Variants in FAM221A observed in about 807,000 individuals in gnomAD.
The protein encoded by FAM221A is family with sequence similarity 221 member A, also known as protein FAM221A.
In FAM221A, 43 loss-of-function variants were observed where a neutral mutation model predicts 37.6. The observed-to-expected ratio is 1.15, with a 90% CI of 0.90 to 1.48. The LOEUF (loss-of-function observed/expected upper bound fraction) is 1.48, where lower values mean the gene tolerates loss of function less well. Ranked by LOEUF, FAM221A falls within the 40% of genes most tolerant of loss-of-function variation. The probability of loss-of-function intolerance (pLI) is 0.00; values close to 1 mark genes in which losing one functional copy is unlikely to be tolerated. For missense variants in FAM221A, 361 were observed against 361.5 expected (o/e 1.00, Z 0.01); for synonymous variants, 135 against 132.9 (o/e 1.02, Z -0.11).
rs557684062 is a variant in FAM221A at position 23,693,810 on chromosome 7, T to C, written c.637+2214T>C. ...CAAGCACCATTCTTGCCCAAATCAT[T>C]TGAAACTCTACCATATTCTTTATTT... On this transcript the variant is annotated intron_variant, in intron 4 of 6. Coordinates refer to ENST00000344962, the MANE Select transcript of FAM221A (RefSeq NM_199136.5). 5.9e-5 allele frequency: 9 copies of C among 152,350 alleles called. No homozygotes were observed. In the East Asian group the frequency reaches 1.7e-3, roughly 29 times the overall value. The allele number at this position is 152,350 out of a possible 1,614,324, so 9.4% of individuals were successfully genotyped here. A position where few individuals can be genotyped will look rare whatever the true frequency, so the allele number is the denominator to read the frequency against.
At chr7:23,692,029 A>G (rs1158629911) in intron 4 of FAM221A, among the ~76,000 whole-genome samples, 1 of 152,224 alleles carries the variant, frequency 6.6e-6, no homozygotes, top group Non-Finnish European at 1.5e-5. Flanking sequence ...GTTTATGTTC[A>G]TGTGTGTATA....
rs1462289933 is a variant in FAM221A, at chr7:23,684,495, G to T, written c.66-4G>T. On this transcript the variant is annotated splice_region_variant and splice_polypyrimidine_tract_variant and intron_variant, in intron 1 of 6. Coordinates refer to ENST00000344962, the MANE Select transcript of FAM221A (RefSeq NM_199136.5). ...CTTAAGAGAAATATATATTTTTGTT[G>T]TAGAATTGTTGGTGAGGATGATGGA... 4 of 1,574,238 alleles carry T rather than the reference G, an allele frequency of 2.5e-6. No homozygotes were observed. Among genetic ancestry groups the T allele is most frequent in the Non-Finnish European group, 3.5e-6 (4 of 1,158,126 alleles).
At chr7:23,689,851 G>A (rs1405282760) in intron 3 of FAM221A, among the ~76,000 whole-genome samples, 2 of 152,016 alleles carry the variant, frequency 1.3e-5, no homozygotes, top group African/African-American at 4.8e-5. Flanking sequence ...AAACTTTTAT[G>A]GTTTGCTGAT....
rs150647029 is a variant in FAM221A at position 23,700,354 on chromosome 7, G to A, written c.746-432G>A. Among the ~76,000 whole-genome samples the A allele has an allele frequency of 1.8e-3, 269 of 152,270 alleles. 1 individual carries two copies. Among genetic ancestry groups the A allele is most frequent in the African/African-American group, 6.1e-3 (254 of 41,566 alleles). On this transcript the variant is annotated intron_variant, in intron 5 of 6. Transcript: ENST00000344962. Reference sequence around the variant, plus strand: ...TGATCCATTTGACAAAGTGATTACCGTAAAAAATGGATAAAATAGTTCAGT... The same window carrying A: ...TGATCCATTTGACAAAGTGATTACCATAAAAAATGGATAAAATAGTTCAGT...
Position 23,689,413 on chromosome 7 carries a change from CTT to C in FAM221A, c.386_387del (p.Phe129CysfsTer2). The C allele has an allele frequency of 6.2e-7, 1 of 1,605,292 alleles. No homozygotes were observed. Among genetic ancestry groups the C allele is most frequent in the Non-Finnish European group, 8.5e-7 (1 of 1,173,112 alleles). On this transcript the variant is annotated frameshift_variant, in exon 3 of 7. Transcript: ENST00000344962. LOFTEE classifies it high-confidence loss of function. ...AGCCCATTCGCTGCAGGTGCAAACA[CTT>C]TGCTGATCAGCACAGTGCTGCGCCT... ...SQPIRCRCKH[F>X]ADQHSAAPGF...
At chr7:23,691,332 T>C in intron 3 of FAM221A, 58 bp from the exon 4 acceptor site, 1 of 1,561,242 alleles carries the variant, frequency 6.4e-7, no homozygotes, top group East Asian at 2.2e-5. Flanking sequence ...GCTAAGTGTC[T>C]TTAGGGTAGA....
intron 4 of FAM221A, among the ~76,000 whole-genome samples, chr7:23,697,078 G>C (rs2065815606): frequency 6.6e-6 from 1 of 152,176 alleles, no homozygotes. Flanking sequence ...GAGGCTACCA[G>C]GCCCTATCAA....
chr7:23,692,033 G>C (rs764503064), intron 4 of FAM221A: 27 of 212,614 alleles, frequency 1.3e-4, no homozygotes, highest in Admixed American at 7.5e-4. Flanking sequence ...ATGTTCATGT[G>C]TGTATATGAA....
chr7:23,686,081 C>T (rs1397545358), intron 2 of FAM221A, among the ~76,000 whole-genome samples: 1 of 152,154 alleles, frequency 6.6e-6, no homozygotes, highest in Non-Finnish European at 1.5e-5. Flanking sequence ...TATTTAGCAA[C>T]TCCAACTAAA....
Position 23,691,508 on chromosome 7 carries a change from A to G in FAM221A, c.549A>G (p.Gly183=), listed in dbSNP as rs748958637. 2.5e-6 allele frequency: 4 copies of G among 1,614,248 alleles called. No homozygotes were observed. Among genetic ancestry groups the G allele is most frequent in the Non-Finnish European group, 8.5e-7 (1 of 1,180,044 alleles). The part of the protein sequence containing the change: ...QERLAQEKPV[G]QDIPYAAMGG... ...GATTGGCTCAGGAAAAACCAGTGGG[A>G]CAGGACATTCCTTATGCAGCCATGG... Residue 183 remains glycine (G), a synonymous_variant, in exon 4 of 7, where the codon GGA becomes GGG. Coordinates refer to ENST00000344962, the MANE Select transcript of FAM221A (RefSeq NM_199136.5).
chr7:23,692,104 C>T, intron 4 of FAM221A: 32 of 596,092 alleles, frequency 5.4e-5, no homozygotes, highest in South Asian at 7.7e-5. Context: ...TATGTGCACA[C>T]ACATATATCT....
At position 23,689,412 on chromosome 7, in the gene FAM221A, A is replaced by C. The variant is rs17855786; in HGVS notation, c.383A>C (p.His128Pro). 5 of 1,605,506 alleles carry C rather than the reference A, an allele frequency of 3.1e-6. No individual in the cohort carries two copies. The African/African-American group carries it at 6.7e-5, about 21-fold the overall frequency. The stretch of plus-strand genomic sequence containing the variant: ...CAGCCCATTCGCTGCAGGTGCAAAC[A>C]CTTTGCTGATCAGCACAGTGCTGCG... ...GSQPIRCRCK[H>P]FADQHSAAPG... Residue 128 changes from histidine (H) to proline (P), a missense_variant, in exon 3 of 7, where the codon CAC (histidine) becomes CCC (proline). His to Pro is a moderately conservative substitution (Grantham distance 77, BLOSUM62 -2). Transcript: ENST00000344962.
At chr7:23,685,282 C>T (rs1048027733) in intron 2 of FAM221A, among the ~76,000 whole-genome samples, 45 of 151,032 alleles carry the variant, frequency 3.0e-4, no homozygotes, top group African/African-American at 1.1e-3. Context: ...CAAAACAAAA[C>T]AAAACAAAAC....
At chr7:23,699,521 A>G (rs1785269673) in intron 5 of FAM221A, among the ~76,000 whole-genome samples, 1 of 136,080 alleles carries the variant, frequency 7.3e-6, no homozygotes, top group South Asian at 2.5e-4. Flanking sequence ...CTTGTTTCTG[A>G]TAGTCACCTT....
chr7:23,680,368 G>C, intron 1 of FAM221A, 85 bp downstream of exon 1: 1 of 1,093,750 alleles, frequency 9.1e-7, no homozygotes, highest in South Asian at 1.6e-5. Context: ...GGGCCCGGCG[G>C]GCGTCCGCGG....
At chr7:23,689,785 A>G in intron 3 of FAM221A, among the ~76,000 whole-genome samples, 1 of 152,216 alleles carries the variant, frequency 6.6e-6, no homozygotes, top group Non-Finnish European at 1.5e-5. Context: ...TGAATATGGG[A>G]GTTGAATCAA....
At chr7:23,682,430 A>G (rs1294139894) in intron 1 of FAM221A, among the ~76,000 whole-genome samples, 1 of 69,760 alleles carries the variant, frequency 1.4e-5, no homozygotes, top group African/African-American at 4.6e-5. Context: ...TATTATTATT[A>G]TTATTATTAT....
At chr7:23,696,270 T>A (rs1382325085) in intron 4 of FAM221A, among the ~76,000 whole-genome samples, 1 of 151,958 alleles carries the variant, frequency 6.6e-6, no homozygotes, top group African/African-American at 2.4e-5. Context: ...GCATAAAAAA[T>A]AAAATGGGCC....
chr7:23,684,476 A>G (rs747630011), intron 1 of FAM221A, 23 bp from the exon 2 acceptor site: 2 of 1,561,046 alleles, frequency 1.3e-6, no homozygotes, highest in South Asian at 1.2e-5. Context: ...AAAGCTTAAG[A>G]GAAATATATA....
Sources: gnomAD v4.1 joint callset for allele counts (sites outside exome capture counted in the v4.1 genomes callset) on GRCh38, gnomAD v4.1.1 for gene constraint, MANE v1.5 for transcripts, NCBI Gene and HGNC (gene_info 2026-07-23, HGNC 2026-07-21) for gene names.